PIGB: variants seen among roughly 807,000 people sequenced by gnomAD.
The protein encoded by PIGB is GPI alpha-1,2-mannosyltransferase 3.
PIGB carries 58 observed loss-of-function variants against 68.4 expected under a neutral mutation model. That is an observed-to-expected ratio of 0.85 (90% CI 0.69 to 1.06). The LOEUF (loss-of-function observed/expected upper bound fraction) is 1.06, where lower values mean the gene tolerates loss of function less well. PIGB is among the 50% of genes least tolerant of loss of function. PIGB has a pLI of 0.00. For missense variants in PIGB, 634 were observed against 655.8 expected, an observed-to-expected ratio of 0.97 and a Z score of 0.36; for synonymous variants, 219 against 220.5, an observed-to-expected ratio of 0.99 and a Z score of 0.06.
intron 9 of PIGB, among the ~76,000 whole-genome samples, chr15:55,345,722 T>C (rs946245170): frequency 1.3e-5 from 2 of 152,134 alleles, no homozygotes; most frequent in African/African-American, 2.4e-5. Flanking sequence ...TCGGCACCAC[T>C]GCACTCCAGC....
chr15:55,324,940 T>G (rs187377220), intron 3 of PIGB: 204 of 362,718 alleles, frequency 5.6e-4, no homozygotes, highest in African/African-American at 4.3e-3. Context: ...TTACACATTG[T>G]GGACAAAAAG....
At chr15:55,339,236 T>C (rs2055607551) in intron 6 of PIGB, 31 bp from the exon 7 acceptor site, 1 of 1,504,296 alleles carries the variant, frequency 6.6e-7, no homozygotes, top group Admixed American at 2.0e-5. Flanking sequence ...AAGCTCCAAA[T>C]GTGAATCACT....
intron 4 of PIGB, 86 bp downstream of exon 4, chr15:55,327,721 A>C: frequency 1.3e-6 from 1 of 773,170 alleles, no homozygotes; most frequent in Non-Finnish European, 2.2e-6. Context: ...TTCCCAAAAC[A>C]ATTTTAGAAG....
intron 9 of PIGB, among the ~76,000 whole-genome samples, chr15:55,347,878 A>G (rs143791362): frequency 4.1e-4 from 62 of 151,866 alleles, no homozygotes; most frequent in Non-Finnish European, 7.9e-4. Flanking sequence ...CAAGCATGTT[A>G]TCTTCCAGCA....
At chr15:55,334,756 G>A (rs1195638313) in intron 6 of PIGB, among the ~76,000 whole-genome samples, 1 of 152,208 alleles carries the variant, frequency 6.6e-6, no homozygotes, top group East Asian at 1.9e-4. Context: ...GTCTCACTCT[G>A]TCACCTAGGC....
intron 3 of PIGB, chr15:55,324,847 G>A: frequency 1.0e-6 from 1 of 978,714 alleles, no homozygotes; most frequent in Non-Finnish European, 1.2e-6. Context: ...ATGTACATGA[G>A]TGCCTTTTCC....
intron 8 of PIGB, among the ~76,000 whole-genome samples, chr15:55,341,173 C>G (rs1178915294): frequency 6.6e-6 from 1 of 151,872 alleles, no homozygotes; most frequent in East Asian, 1.9e-4. Context: ...CCAGCCTGAG[C>G]AACATAGCAA....
chr15:55,344,926 C>G (rs371265538), intron 9 of PIGB, among the ~76,000 whole-genome samples: 4 of 125,476 alleles, frequency 3.2e-5, no homozygotes, highest in Admixed American at 9.3e-5. Context: ...GACAGAGTCT[C>G]TCTCTGTCGC....
rs1318248093 is a variant in PIGB, at chr15:55,343,517, AT to A, written c.1123+1717del. 7 of 152,330 alleles carry A rather than the reference AT, an allele frequency of 4.6e-5. 1 individual carries two copies. The highest frequency in any genetic ancestry group is 4.6e-4 in the Admixed American group (7 of 15,294). The allele number at this position is 152,330 out of a possible 1,614,324, so 9.4% of individuals were successfully genotyped here. ...TTTTCATAAACCAGATTTTTCCAGC[AT>A]TCCTCTTCTGTGTCCTGTTGCTTTA... On this transcript the variant is annotated intron_variant, in intron 9 of 11. Coordinates refer to ENST00000164305, the MANE Select transcript of PIGB (RefSeq NM_004855.5).
chr15:55,336,577 T>C (rs937785513), intron 6 of PIGB, among the ~76,000 whole-genome samples: 16 of 152,210 alleles, frequency 1.1e-4, no homozygotes, highest in Admixed American at 3.3e-4. Context: ...ATGTAATTCA[T>C]TGAATACTGT....
At chr15:55,333,602 C>G (rs1378085013) in intron 5 of PIGB, among the ~76,000 whole-genome samples, 1 of 152,098 alleles carries the variant, frequency 6.6e-6, no homozygotes, top group African/African-American at 2.4e-5. Context: ...CATGGTGGTA[C>G]ACACCTGTAA....
At chr15:55,344,630 C>G (rs975542327) in intron 9 of PIGB, among the ~76,000 whole-genome samples, 4 of 152,170 alleles carry the variant, frequency 2.6e-5, no homozygotes, top group Admixed American at 2.6e-4. Context: ...AAATAGGACT[C>G]AACTCTAGAA....
intron 9 of PIGB, chr15:55,350,217 C>T (rs1421012873): frequency 6.5e-6 from 1 of 153,266 alleles, no homozygotes; most frequent in Admixed American, 6.5e-5. Context: ...TGCCCAATGG[C>T]TTATTTTCCT....
intron 10 of PIGB, among the ~76,000 whole-genome samples, chr15:55,352,189 C>T (rs1419592366): frequency 1.3e-5 from 2 of 151,934 alleles, no homozygotes; most frequent in Non-Finnish European, 2.9e-5. Flanking sequence ...CTCAGGTGAT[C>T]CGCCCACCTC....
In PIGB at chr15:55,337,831, AG is replaced by A. The variant is rs1485259647; in HGVS notation, c.795-1435del. ...TGTGGTATACATAGTTACAATACAC[AG>A]TATTGTAAAGGAATGAACTACAGCA... On this transcript the variant is annotated intron_variant, in intron 6 of 11. Transcript: ENST00000164305. Among the ~76,000 whole-genome samples the A allele has an allele frequency of 2.6e-5, 4 of 152,360 alleles. No homozygotes were observed. In the South Asian group the frequency reaches 8.3e-4, roughly 32 times the overall value.
intron 9 of PIGB, chr15:55,349,435 A>G (rs1201256893): frequency 6.6e-6 from 1 of 152,146 alleles, no homozygotes; most frequent in Admixed American, 6.5e-5. Flanking sequence ...CATCTCAGCT[A>G]TTTTATTTCA....
intron 4 of PIGB, among the ~76,000 whole-genome samples, chr15:55,328,829 G>A (rs2055348217): frequency 6.6e-6 from 1 of 152,144 alleles, no homozygotes; most frequent in South Asian, 2.1e-4. Flanking sequence ...ATCCAGGCGT[G>A]GTGGCAGACA....
chr15:55,328,484 A>G (rs554566073), intron 4 of PIGB, among the ~76,000 whole-genome samples: 3 of 152,230 alleles, frequency 2.0e-5, no homozygotes, highest in African/African-American at 7.2e-5. Context: ...TTAGAAAGGG[A>G]ACATTTCTGC....
chr15:55,322,318 A>T (rs1026864685), intron 3 of PIGB, among the ~76,000 whole-genome samples: 5 of 152,208 alleles, frequency 3.3e-5, no homozygotes, highest in African/African-American at 7.2e-5. Flanking sequence ...TAAAACTTTA[A>T]AATTTTTAAT....
Sources: allele counts gnomAD v4.1 joint callset (sites outside exome capture counted in the v4.1 genomes callset), GRCh38; gene constraint gnomAD v4.1.1; transcripts MANE v1.5; gene names NCBI Gene and HGNC (gene_info 2026-07-23, HGNC 2026-07-21).